The following SLC8A1 variants were observed in gnomAD, a reference collection of about 807,000 sequenced individuals.
SLC8A1 encodes the protein sodium/calcium exchanger 1.
In SLC8A1, 18 loss-of-function variants were observed where a neutral mutation model predicts 68.3. The observed-to-expected ratio is 0.26, with a 90% CI of 0.18 to 0.39. The LOEUF is 0.39. SLC8A1 is among the 10% of genes least tolerant of loss of function. SLC8A1 has a pLI of 1.00. For missense variants in SLC8A1, 985 were observed against 1,156.7 expected (o/e 0.85, Z 2.15); for synonymous variants, 475 against 415.5 (o/e 1.14, Z -1.74).
At chr2:40,220,817 G>A (rs1488739133) in intron 2 of SLC8A1, among the ~76,000 whole-genome samples, 2 of 151,874 alleles carry the variant, frequency 1.3e-5, no homozygotes, top group African/African-American at 4.8e-5. Flanking sequence ...CAGACTAGAT[G>A]AGGAAGAGAA....
At chr2:40,471,752 T>G (rs1162466732) in intron 1 of SLC8A1, among the ~76,000 whole-genome samples, 1 of 152,202 alleles carries the variant, frequency 6.6e-6, no homozygotes, top group Admixed American at 6.5e-5. Flanking sequence ...TGGAAACAAA[T>G]TTTTTGAAAT....
At chr2:40,450,942 C>T (rs1702347740) in intron 1 of SLC8A1, among the ~76,000 whole-genome samples, 1 of 151,392 alleles carries the variant, frequency 6.6e-6, no homozygotes, top group African/African-American at 2.4e-5. Flanking sequence ...AGCCATTCAT[C>T]AAACAGCAAC....
At chr2:40,403,304 A>T (rs1297255220) in intron 2 of SLC8A1, among the ~76,000 whole-genome samples, 1 of 152,186 alleles carries the variant, frequency 6.6e-6, no homozygotes, top group Admixed American at 6.5e-5. Context: ...TAAACTCTTA[A>T]TTACTTAAGG....
chr2:40,279,820 C>T (rs570559472), intron 2 of SLC8A1, among the ~76,000 whole-genome samples: 2 of 152,288 alleles, frequency 1.3e-5, no homozygotes, highest in Admixed American at 6.5e-5. Context: ...CCAACATGCA[C>T]AGTTCACTAA....
At chr2:40,491,042 C>T (rs1054692225) in intron 1 of SLC8A1, among the ~76,000 whole-genome samples, 28 of 152,148 alleles carry the variant, frequency 1.8e-4, no homozygotes, top group African/African-American at 6.8e-4. Flanking sequence ...AAGTGTCTCT[C>T]TCTCTATAAA....
intron 2 of SLC8A1, among the ~76,000 whole-genome samples, chr2:40,411,832 T>C (rs550091944): frequency 1.3e-5 from 2 of 152,080 alleles, no homozygotes; most frequent in Non-Finnish European, 2.9e-5. Flanking sequence ...ATTTTCTCCT[T>C]GTCTTTTAAA....
At chr2:40,429,038 T>A (rs1697628190) in exon 2 of SLC8A1, 2 of 1,612,550 alleles carry the variant, frequency 1.2e-6, no homozygotes, top group East Asian at 4.5e-5. Context: ...CACTGATATG[T>A]CCCTTGTTCA....
At chr2:40,277,576 AG>A (rs2066889515) in intron 2 of SLC8A1, among the ~76,000 whole-genome samples, 1 of 151,880 alleles carries the variant, frequency 6.6e-6, no homozygotes, top group Non-Finnish European at 1.5e-5. Context: ...ATAAAATAAT[AG>A]CAAAAGTAGC....
intron 2 of SLC8A1, among the ~76,000 whole-genome samples, chr2:40,302,613 T>A (rs997449822): frequency 1.5e-4 from 23 of 149,722 alleles, no homozygotes; most frequent in South Asian, 4.2e-4. Context: ...TATATATATA[T>A]AAAACAATTT....
intron 2 of SLC8A1, among the ~76,000 whole-genome samples, chr2:40,406,908 C>T (rs1690547635): frequency 6.6e-6 from 1 of 152,118 alleles, no homozygotes; most frequent in African/African-American, 2.4e-5. Context: ...AGCACAGTAA[C>T]AAGGCAATCC....
At chr2:40,134,099 T>G (rs1423799580) in intron 7 of SLC8A1, among the ~76,000 whole-genome samples, 14 of 24,432 alleles carry the variant, frequency 5.7e-4, no homozygotes, top group South Asian at 1.4e-3. Context: ...TTGTTTGTGT[T>G]TTTTTTTTTT....
At chr2:40,493,477 C>G (rs1400545227) in intron 1 of SLC8A1, among the ~76,000 whole-genome samples, 1 of 149,968 alleles carries the variant, frequency 6.7e-6, no homozygotes, top group African/African-American at 2.5e-5. Context: ...GCACATGTAC[C>G]CTAAAACTTA....
chr2:40,208,011 G>C (rs1028142839), intron 2 of SLC8A1, among the ~76,000 whole-genome samples: 4 of 152,138 alleles, frequency 2.6e-5, no homozygotes, highest in Non-Finnish European at 2.9e-5. Context: ...AGCACTGCAA[G>C]AGCTTCCTCT....
chr2:40,379,723 A>T (rs1031925684), intron 2 of SLC8A1, among the ~76,000 whole-genome samples: 21 of 151,282 alleles, frequency 1.4e-4, no homozygotes, highest in African/African-American at 4.9e-4. Context: ...TTATGTCAGC[A>T]CTGGTGCTCT....
At chr2:40,326,758 A>T (rs2149358984) in intron 2 of SLC8A1, among the ~76,000 whole-genome samples, 1 of 151,952 alleles carries the variant, frequency 6.6e-6, no homozygotes, top group Non-Finnish European at 1.5e-5. Context: ...TTTAAAGAGG[A>T]CTCCTTTCAG....
intron 1 of SLC8A1, among the ~76,000 whole-genome samples, chr2:40,431,082 G>A (rs1698174998): frequency 6.6e-6 from 1 of 152,156 alleles, no homozygotes; most frequent in Admixed American, 6.5e-5. Flanking sequence ...CAGGTCTGCT[G>A]ATACATTAGC....
chr2:40,283,837 G>C (rs545960377), intron 2 of SLC8A1, among the ~76,000 whole-genome samples: 15 of 152,284 alleles, frequency 9.9e-5, no homozygotes, highest in Non-Finnish European at 1.3e-4. Context: ...AGAAAGGCTG[G>C]AGAATAGAGA....
chr2:40,179,889 T>A (rs1558643961), intron 2 of SLC8A1, among the ~76,000 whole-genome samples: 1 of 152,212 alleles, frequency 6.6e-6, no homozygotes, highest in Non-Finnish European at 1.5e-5. Flanking sequence ...CTTTTTGGCT[T>A]AGCATTGTAG....
intron 2 of SLC8A1, among the ~76,000 whole-genome samples, chr2:40,363,488 A>G (rs1255976572): frequency 2.6e-5 from 4 of 152,174 alleles, no homozygotes; most frequent in Admixed American, 6.6e-5. Flanking sequence ...GAGATGATCA[A>G]TGAGAAATAA....
Sources: gnomAD v4.1 joint callset for allele counts (sites outside exome capture counted in the v4.1 genomes callset) on GRCh38, gnomAD v4.1.1 for gene constraint, MANE v1.5 for transcripts, NCBI Gene and HGNC (gene_info 2026-07-23, HGNC 2026-07-21) for gene names.